The following RGPD1 variants were observed in gnomAD, a reference collection of about 807,000 sequenced individuals.
The protein encoded by RGPD1 is RANBP2-like and GRIP domain-containing protein 1.
In RGPD1, 7 loss-of-function variants were observed where a neutral mutation model predicts 40.6. That is an observed-to-expected ratio of 0.17 (90% CI 0.10 to 0.32). The LOEUF is 0.32. Among genes scored for constraint, RGPD1 ranks in the 10% least tolerant of loss-of-function variants. The probability of loss-of-function intolerance (pLI) is 1.00; values close to 1 mark genes in which losing one functional copy is unlikely to be tolerated. For missense variants in RGPD1, 50 were observed against 472.5 expected, an observed-to-expected ratio of 0.11 and a Z score of 8.29; for synonymous variants, 24 against 167.0, an observed-to-expected ratio of 0.14 and a Z score of 6.60.
At chr2:86,913,869 A>C in exon 1 of RGPD1, 1 of 1,580,284 alleles carries the variant, frequency 6.3e-7, no homozygotes. Context: ...AGCAAGGCCT[A>C]CGGGGAGCGG....
At chr2:86,960,699 C>T (rs1680919137) in intron 6 of RGPD1, among the ~76,000 whole-genome samples, 1 of 101,966 alleles carries the variant, frequency 9.8e-6, no homozygotes, top group Non-Finnish European at 1.8e-5. Context: ...ATGCCATTCT[C>T]CTGCCTCAGC....
Position 86,942,278 on chromosome 2 carries a change from G to A in RGPD1, c.42G>A (p.Ser14=). The stretch of plus-strand genomic sequence containing the variant: ...CCTACGGGGAGCGGTACGTCGCCTC[G>A]GTGCAGGGCTCCGCCCCGTCGCCTG... The part of the protein sequence containing the change: ...SKAYGERYVA[S]VQGSAPSPGK... Residue 14 remains serine, a synonymous_variant, in exon 1 of 23, where the codon TCG becomes TCA. Transcript: ENST00000641458. 1.9e-6 allele frequency: 3 copies of A among 1,606,294 alleles called. No homozygotes were observed. Among genetic ancestry groups the A allele is most frequent in the South Asian group, 1.1e-5 (1 of 89,812 alleles).
intron 1 of RGPD1, chr2:86,930,642 C>A: frequency 6.2e-7 from 1 of 1,611,564 alleles, no homozygotes; most frequent in Admixed American, 1.7e-5. Context: ...AACACTCTCA[C>A]AGAGGTAGGG....
chr2:86,925,191 T>C (rs1678390773), intron 1 of RGPD1, among the ~76,000 whole-genome samples: 1 of 152,188 alleles, frequency 6.6e-6, no homozygotes, highest in African/African-American at 2.4e-5. Context: ...ATATTTTCCC[T>C]TAGAATGTGG....
At chr2:86,935,813 CAT>C (rs1350516834) in intron 1 of RGPD1, among the ~76,000 whole-genome samples, 4 of 136,810 alleles carry the variant, frequency 2.9e-5, no homozygotes, top group Non-Finnish European at 4.8e-5. Flanking sequence ...CTGCTTATGA[CAT>C]AAAGTATAAT....
At chr2:87,006,996 G>A (rs1292174584) in intron 22 of RGPD1, among the ~76,000 whole-genome samples, 1 of 18,712 alleles carries the variant, frequency 5.3e-5, no homozygotes, top group East Asian at 7.9e-4. Flanking sequence ...ACTCCCCAAC[G>A]CTAATACATC....
chr2:86,942,389 G>GGCGGGGCGGCGGCCTCGACCTT (rs1679885327), intron 1 of RGPD1, 81 bp downstream of exon 1: 1 of 1,019,110 alleles, frequency 9.8e-7, no homozygotes. Context: ...GCCTCGACCT[G>GGCGGGGCGGCGGCCTCGACCTT]GCCGGGCGGC....
intron 21 of RGPD1, among the ~76,000 whole-genome samples, chr2:86,997,246 G>A (rs1469943755): frequency 2.0e-5 from 1 of 50,322 alleles, no homozygotes; most frequent in Admixed American, 2.6e-4. Flanking sequence ...ACCCCAAATA[G>A]CTTAGGACAA....
intron 1 of RGPD1, among the ~76,000 whole-genome samples, chr2:86,945,734 C>T (rs1240904807): frequency 6.0e-5 from 9 of 150,006 alleles, no homozygotes; most frequent in African/African-American, 9.8e-5. Flanking sequence ...AAAAATGAGC[C>T]GGGCGTGGTG....
At chr2:86,931,844 A>G (rs953457466) in intron 1 of RGPD1, among the ~76,000 whole-genome samples, 1 of 148,874 alleles carries the variant, frequency 6.7e-6, no homozygotes, top group African/African-American at 2.4e-5. Flanking sequence ...ATGATACTCA[A>G]TATTTTACAT....
At position 86,929,944 on chromosome 2, in the gene RGPD1, C is replaced by G. The variant is rs920339032; in HGVS notation, c.72+16023C>G. Among the ~76,000 whole-genome samples the G allele has an allele frequency of 1.3e-4, 19 of 141,014 alleles. 5 individuals are homozygous for G. The highest frequency in any genetic ancestry group is 3.0e-4 in the Non-Finnish European group (19 of 63,072). The allele number at this position is 141,014 out of a possible 152,430, so 92.5% of individuals were successfully genotyped here. A position where few individuals can be genotyped will look rare whatever the true frequency, so the allele number is the denominator to read the frequency against. On this transcript the variant is annotated intron_variant, in intron 1 of 22. Transcript: ENST00000398193. ...TCTCAAAACTACTTATGGGATGTCC[C>G]CTTCACTGGAAGACAGCCCCATGGG...
At chr2:86,933,199 T>C (rs1016644759) in intron 1 of RGPD1, among the ~76,000 whole-genome samples, 2 of 150,562 alleles carry the variant, frequency 1.3e-5, no homozygotes, top group Non-Finnish European at 3.0e-5. Flanking sequence ...TTCCTCCTCG[T>C]AAAATTCCGA....
chr2:86,942,398 G>GCGGCCTCGACCTGGCCGGGCGT (rs1679887840), intron 1 of RGPD1, 90 bp downstream of exon 1: 1 of 1,131,406 alleles, frequency 8.8e-7, no homozygotes, highest in African/African-American at 2.4e-5. Context: ...TGGCCGGGCG[G>GCGGCCTCGACCTGGCCGGGCGT]CGGCCTCGAT....
upstream of RGPD1, among the ~76,000 whole-genome samples, chr2:86,938,599 CAAAA>C (rs67807927): frequency 2.8e-5 from 4 of 145,242 alleles, no homozygotes; most frequent in South Asian, 2.1e-4. Flanking sequence ...GACTCCATCT[CAAAA>C]AAAAAAAAAA....
At chr2:86,941,116 TATC>T (rs1679711730), upstream of RGPD1, among the ~76,000 whole-genome samples, 2 of 152,270 alleles carry the variant, frequency 1.3e-5, no homozygotes, top group Middle Eastern at 3.4e-3. Context: ...CAGTTAAAAA[TATC>T]AACGCATTTG....
chr2:86,940,801 G>C (rs961575021), upstream of RGPD1, among the ~76,000 whole-genome samples: 3 of 150,062 alleles, frequency 2.0e-5, no homozygotes, highest in Non-Finnish European at 3.0e-5. Flanking sequence ...TTCCTACTAG[G>C]CTATCCCCAC....
chr2:86,913,934 C>A (rs1262074750), intron 1 of RGPD1: 1 of 1,466,220 alleles, frequency 6.8e-7, no homozygotes, highest in East Asian at 2.9e-5. Flanking sequence ...GAGTGGATCT[C>A]GAAGAGACCG....
intron 1 of RGPD1, among the ~76,000 whole-genome samples, chr2:86,931,639 CATT>C (rs1288900331): frequency 1.5e-4 from 23 of 151,990 alleles, no homozygotes; most frequent in African/African-American, 4.4e-4. Context: ...TCTAGCTTAA[CATT>C]ATTACTTCAG....
At chr2:86,988,560 GATAA>G (rs1681588715) in intron 20 of RGPD1, among the ~76,000 whole-genome samples, 1 of 77,584 alleles carries the variant, frequency 1.3e-5, no homozygotes, top group Non-Finnish European at 2.7e-5. Flanking sequence ...AAACTACAGG[GATAA>G]ATGAATATGT....
Sources: allele counts gnomAD v4.1 joint callset (sites outside exome capture counted in the v4.1 genomes callset), GRCh38; gene constraint gnomAD v4.1.1; transcripts MANE v1.5; gene names NCBI Gene and HGNC (gene_info 2026-07-23, HGNC 2026-07-21).